The following EPHA3 variants were observed in gnomAD, a reference collection of about 807,000 sequenced individuals.
EPHA3 encodes EPH receptor A3.
EPHA3 carries 42 observed loss-of-function variants against 107.1 expected under a neutral mutation model. The observed-to-expected ratio is 0.39, with a 90% CI of 0.31 to 0.51. The LOEUF (loss-of-function observed/expected upper bound fraction) is 0.51, where lower values mean the gene tolerates loss of function less well. Among genes scored for constraint, EPHA3 ranks in the 20% least tolerant of loss-of-function variants. The probability of loss-of-function intolerance (pLI) is 0.78; values close to 1 mark genes in which losing one functional copy is unlikely to be tolerated. For synonymous variants in EPHA3, 461 were observed against 424.8 expected (o/e 1.09, Z -1.05); for missense variants, 1,183 against 1,211.2 (o/e 0.98, Z 0.35).
chr3:89,378,553 T>G (rs991835067), intron 5 of EPHA3, among the ~76,000 whole-genome samples: 1 of 152,202 alleles, frequency 6.6e-6, no homozygotes, highest in Non-Finnish European at 1.5e-5. Context: ...AAATAATGTT[T>G]AGAATCTTTC....
intron 5 of EPHA3, among the ~76,000 whole-genome samples, chr3:89,384,713 A>T (rs1708582100): frequency 6.6e-6 from 1 of 152,216 alleles, no homozygotes; most frequent in Non-Finnish European, 1.5e-5. Flanking sequence ...CAGTTGTCTC[A>T]TGTTAAAAGA....
chr3:89,322,177 A>G (rs926231614), intron 3 of EPHA3, among the ~76,000 whole-genome samples: 3 of 152,126 alleles, frequency 2.0e-5, no homozygotes, highest in East Asian at 1.9e-4. Flanking sequence ...ATCGCATTCA[A>G]GAGAGTTTCC....
At chr3:89,225,880 G>A (rs1283876902) in intron 3 of EPHA3, among the ~76,000 whole-genome samples, 4 of 152,088 alleles carry the variant, frequency 2.6e-5, no homozygotes, top group Admixed American at 6.6e-5. Context: ...ACATACACAC[G>A]TGTTCAAGTT....
At chr3:89,229,112 A>T (rs1704568636) in intron 3 of EPHA3, among the ~76,000 whole-genome samples, 1 of 151,948 alleles carries the variant, frequency 6.6e-6, no homozygotes, top group African/African-American at 2.4e-5. Flanking sequence ...TGTTCGTAGG[A>T]TGTAAGTGCT....
chr3:89,391,828 G>A (rs1039039071), intron 5 of EPHA3, among the ~76,000 whole-genome samples: 2 of 151,832 alleles, frequency 1.3e-5, no homozygotes, highest in African/African-American at 4.8e-5. Flanking sequence ...TTTACAAAGG[G>A]CACATATATC....
chr3:89,343,028 G>A (rs1212606079), intron 5 of EPHA3, among the ~76,000 whole-genome samples: 2 of 152,074 alleles, frequency 1.3e-5, no homozygotes, highest in Non-Finnish European at 2.9e-5. Flanking sequence ...GTATAAACTC[G>A]GCTTCTGCTC....
intron 1 of EPHA3, among the ~76,000 whole-genome samples, chr3:89,119,121 C>A (rs984838239): frequency 2.6e-5 from 4 of 152,034 alleles, no homozygotes; most frequent in Admixed American, 2.0e-4. Flanking sequence ...ATAACAAAGA[C>A]ACACTTTTAA....
chr3:89,163,011 A>G (rs1280795766), intron 2 of EPHA3, among the ~76,000 whole-genome samples: 1 of 152,220 alleles, frequency 6.6e-6, no homozygotes, highest in Non-Finnish European at 1.5e-5. Flanking sequence ...AACATGATTC[A>G]TACTAAGATA....
intron 3 of EPHA3, among the ~76,000 whole-genome samples, chr3:89,298,076 G>A (rs923427406): frequency 2.1e-4 from 32 of 151,946 alleles, no homozygotes; most frequent in African/African-American, 6.8e-4. Context: ...TCCACCTAAC[G>A]CCCCATGAAT....
At chr3:89,288,070 T>C (rs1233829160) in intron 3 of EPHA3, among the ~76,000 whole-genome samples, 1 of 152,082 alleles carries the variant, frequency 6.6e-6, no homozygotes, top group Admixed American at 6.6e-5. Flanking sequence ...AATATGTGCA[T>C]GCTTTCTGAT....
intron 11 of EPHA3, among the ~76,000 whole-genome samples, chr3:89,424,617 A>T (rs1239639289): frequency 6.6e-6 from 1 of 151,376 alleles, no homozygotes; most frequent in Non-Finnish European, 1.5e-5. Context: ...TATTTTTGAA[A>T]TCCTGTTTTT....
At chr3:89,172,795 A>G (rs974010234) in intron 2 of EPHA3, among the ~76,000 whole-genome samples, 9 of 152,172 alleles carry the variant, frequency 5.9e-5, no homozygotes, top group African/African-American at 1.9e-4. Flanking sequence ...CAGTGTAATT[A>G]TGTGCATGTC....
chr3:89,303,975 C>CTT (rs1387799447), intron 3 of EPHA3, among the ~76,000 whole-genome samples: 1 of 152,102 alleles, frequency 6.6e-6, no homozygotes, highest in Non-Finnish European at 1.5e-5. Flanking sequence ...ACCAGACTTA[C>CTT]TTTTCTTTTC....
At chr3:89,124,762 A>G (rs1359976372) in intron 1 of EPHA3, among the ~76,000 whole-genome samples, 1 of 152,046 alleles carries the variant, frequency 6.6e-6, no homozygotes, top group African/African-American at 2.4e-5. Flanking sequence ...TATAATTGAT[A>G]GACAATAGAA....
chr3:89,441,010 T>A (rs1479671764), intron 13 of EPHA3, among the ~76,000 whole-genome samples: 1 of 152,200 alleles, frequency 6.6e-6, no homozygotes, highest in Non-Finnish European at 1.5e-5. Flanking sequence ...TGTTAAGCTG[T>A]TAGATAAAAC....
At chr3:89,260,106 A>G (rs1559622561) in intron 3 of EPHA3, among the ~76,000 whole-genome samples, 1 of 152,206 alleles carries the variant, frequency 6.6e-6, no homozygotes, top group Non-Finnish European at 1.5e-5. Context: ...TGTTTCCATT[A>G]TCTTGGCTAT....
chr3:89,249,649 C>A (rs776119252), intron 3 of EPHA3, among the ~76,000 whole-genome samples: 1 of 151,788 alleles, frequency 6.6e-6, no homozygotes, highest in Non-Finnish European at 1.5e-5. Context: ...TTTGTAGAGA[C>A]GAGGTTTCAC....
At chr3:89,272,872 G>A (rs1215789376) in intron 3 of EPHA3, among the ~76,000 whole-genome samples, 1 of 151,860 alleles carries the variant, frequency 6.6e-6, no homozygotes, top group Non-Finnish European at 1.5e-5. Context: ...TCTGGGAGGT[G>A]CTTAATAGAA....
intron 3 of EPHA3, among the ~76,000 whole-genome samples, chr3:89,248,256 C>G (rs192533200): frequency 6.6e-6 from 1 of 152,148 alleles, no homozygotes; most frequent in Non-Finnish European, 1.5e-5. Context: ...GAGACCTCCA[C>G]GTTACCAGAC....
Sources: gnomAD v4.1 joint callset for allele counts (sites outside exome capture counted in the v4.1 genomes callset) on GRCh38, gnomAD v4.1.1 for gene constraint, MANE v1.5 for transcripts, NCBI Gene and HGNC (gene_info 2026-07-23, HGNC 2026-07-21) for gene names.